Variants in PATL2 observed in about 807,000 individuals in gnomAD.
The protein encoded by PATL2 is protein PAT1 homolog 2.
Under a neutral mutation model 77.0 loss-of-function variants are expected in PATL2, and 73 were observed. The ratio of observed to expected loss-of-function variants is 0.95; its 90% CI spans 0.78 to 1.15. PATL2 has a LOEUF of 1.15. Ranked by LOEUF, PATL2 falls within the 50% of genes most tolerant of loss-of-function variation. The probability of loss-of-function intolerance (pLI) is 0.00; values close to 1 mark genes in which losing one functional copy is unlikely to be tolerated. For missense variants in PATL2, 618 were observed against 655.4 expected, an observed-to-expected ratio of 0.94 and a Z score of 0.62; for synonymous variants, 265 against 257.1, an observed-to-expected ratio of 1.03 and a Z score of -0.29.
At chr15:44,682,592 C>T (rs1010665455) in intron 3 of PATL2, among the ~76,000 whole-genome samples, 1 of 152,158 alleles carries the variant, frequency 6.6e-6, no homozygotes, top group Non-Finnish European at 1.5e-5. Context: ...CTGGGTGTGT[C>T]CTACTCCAGC....
intron 15 of PATL2, among the ~76,000 whole-genome samples, chr15:44,668,050 G>C (rs1280768998): frequency 1.3e-5 from 2 of 152,144 alleles, no homozygotes; most frequent in Non-Finnish European, 2.9e-5. Flanking sequence ...TTACTGAAAG[G>C]GGTATACAAG....
intron 15 of PATL2, among the ~76,000 whole-genome samples, chr15:44,668,019 AGT>A (rs762690091): frequency 6.6e-6 from 1 of 152,202 alleles, no homozygotes; most frequent in Non-Finnish European, 1.5e-5. Flanking sequence ...ACACATGGGT[AGT>A]GTGGTTTAGA....
At position 44,669,528 on chromosome 15, in the gene PATL2, T is replaced by C; in HGVS notation, c.912A>G (p.Val304=). The C allele has an allele frequency of 6.4e-7, 1 of 1,551,390 alleles. No individual in the cohort carries two copies. The highest frequency in any genetic ancestry group is 8.7e-7 in the Non-Finnish European group (1 of 1,146,904). ...IEAASSQRLR[V]LYRIEKMFLQ... ...ATCTCACCTTCTCAATCCGGTATAATACCCGAAGCCTCTGACTGCTTGCAG... is the reference window on the plus strand; with the variant it reads ...ATCTCACCTTCTCAATCCGGTATAACACCCGAAGCCTCTGACTGCTTGCAG... Residue 304 remains valine, a synonymous_variant, in exon 12 of 18, where the codon GTA becomes GTG. Transcript: ENST00000682850.
chr15:44,667,638 CTG>C (rs370088377), intron 15 of PATL2, among the ~76,000 whole-genome samples: 156 of 152,312 alleles, frequency 1.0e-3, no homozygotes, highest in African/African-American at 3.6e-3. Flanking sequence ...TTAAAATTTT[CTG>C]TCTTTTATTA....
At chr15:44,680,186 A>G (rs2086102414) in intron 3 of PATL2, among the ~76,000 whole-genome samples, 1 of 152,082 alleles carries the variant, frequency 6.6e-6, no homozygotes, top group Non-Finnish European at 1.5e-5. Flanking sequence ...TCTTCCTGAC[A>G]TGCTCCTCAG....
chr15:44,708,380 T>C (rs1452945601), intron 3 of PATL2, among the ~76,000 whole-genome samples: 2 of 152,346 alleles, frequency 1.3e-5, no homozygotes, highest in East Asian at 3.8e-4. Flanking sequence ...ACTTAAAGTA[T>C]ACAATAAGTT....
intron 2 of PATL2, among the ~76,000 whole-genome samples, 166 bp downstream of exon 2, chr15:44,710,705 A>T (rs1304793587): frequency 6.6e-6 from 1 of 152,120 alleles, no homozygotes; most frequent in East Asian, 1.9e-4. Flanking sequence ...CGGTTTACTG[A>T]GTACCTACTA....
chr15:44,669,885 A>C lies in PATL2; in HGVS notation c.779-11T>G, dbSNP rs1245157487. ...CCTCGATTCGGACCACTGCATGAGA[A>C]GAGAGGCACATTTCCTTCCCCCTCC... On this transcript the variant is annotated splice_polypyrimidine_tract_variant and intron_variant, in intron 10 of 17. Coordinates refer to ENST00000682850, the MANE Select transcript of PATL2 (RefSeq NM_001387263.1). 6.4e-7 allele frequency: 1 copy of C among 1,551,486 alleles called. No homozygotes were observed. Among genetic ancestry groups the C allele is most frequent in the Admixed American group, 2.0e-5 (1 of 50,980 alleles).
At chr15:44,698,690 G>T (rs1366079374) in intron 3 of PATL2, among the ~76,000 whole-genome samples, 1 of 152,210 alleles carries the variant, frequency 6.6e-6, no homozygotes, top group Non-Finnish European at 1.5e-5. Flanking sequence ...TTTGAATAGT[G>T]CTGCAATAAA....
intron 3 of PATL2, among the ~76,000 whole-genome samples, chr15:44,686,105 A>G (rs1308696927): frequency 6.6e-6 from 1 of 152,224 alleles, no homozygotes; most frequent in Non-Finnish European, 1.5e-5. Flanking sequence ...CAGCATATAC[A>G]TTCTTCTCAG....
rs1051736125 is a variant in PATL2 at position 44,669,961 on chromosome 15, C to T, written c.778+6G>A. 5.2e-6 allele frequency: 8 copies of T among 1,548,816 alleles called. No homozygotes were observed. The Admixed American group carries it at 9.9e-5, about 19-fold the overall frequency. On this transcript the variant is annotated splice_donor_region_variant and intron_variant, in intron 10 of 17. Transcript: ENST00000682850. ...GCCCAAGTCAGCAGGTCAGCCCTGA[C>T]CCTACCGGACTCATAAGCCTCTGCC...
At chr15:44,696,312 CA>C (rs1418478783) in intron 3 of PATL2, among the ~76,000 whole-genome samples, 3 of 152,204 alleles carry the variant, frequency 2.0e-5, no homozygotes. Context: ...TTGGCTTCAA[CA>C]TTTACCTAAT....
chr15:44,684,213 C>CAAAGGAGGGACAAAAGTGGA (rs2086200381), intron 3 of PATL2, among the ~76,000 whole-genome samples: 1 of 151,998 alleles, frequency 6.6e-6, no homozygotes, highest in Admixed American at 6.6e-5. Flanking sequence ...ACAACTCCTT[C>CAAAGGAGGGACAAAAGTGGA]CAGCAAGGGA....
chr15:44,690,574 G>A (rs2086368769), intron 3 of PATL2, among the ~76,000 whole-genome samples: 2 of 151,382 alleles, frequency 1.3e-5, no homozygotes, highest in African/African-American at 4.9e-5. Flanking sequence ...CTGGGCTCAA[G>A]TGATCCTCCC....
chr15:44,665,864 C>G lies in PATL2; in HGVS notation c.*89G>C. 3 of 1,549,364 alleles carry G rather than the reference C, an allele frequency of 1.9e-6. No individual in the cohort carries two copies. Among genetic ancestry groups the G allele is most frequent in the South Asian group, 2.4e-5 (2 of 83,890 alleles). On this transcript the variant is annotated 3_prime_UTR_variant, in exon 18 of 18. Transcript: ENST00000682850. ...TATATAAAGGCATAAGAAATGTCTT[C>G]AGACTCTCTGGATCCCTGTAAACAT...
chr15:44,701,566 C>A (rs557981316), intron 3 of PATL2, among the ~76,000 whole-genome samples: 1 of 151,618 alleles, frequency 6.6e-6, no homozygotes, highest in South Asian at 2.1e-4. Flanking sequence ...TGTGGTGGTA[C>A]ATGCCTGTTC....
intron 6 of PATL2, among the ~76,000 whole-genome samples, 160 bp downstream of exon 6, chr15:44,673,990 C>A (rs539322417): frequency 6.6e-6 from 1 of 152,188 alleles, no homozygotes; most frequent in African/African-American, 2.4e-5. Flanking sequence ...GGGCACACCA[C>A]CTCTGTCATT....
intron 3 of PATL2, among the ~76,000 whole-genome samples, chr15:44,705,132 A>G (rs2086705712): frequency 6.6e-6 from 1 of 152,114 alleles, no homozygotes; most frequent in Admixed American, 6.6e-5. Context: ...ATCACTTTGA[A>G]TAAACTTTCT....
intron 5 of PATL2, chr15:44,675,272 G>A (rs934254833): frequency 1.7e-6 from 1 of 595,026 alleles, no homozygotes; most frequent in Non-Finnish European, 2.9e-6. Context: ...CTAGGACCTG[G>A]TTTTAAGGCG....
Sources: allele counts gnomAD v4.1 joint callset (sites outside exome capture counted in the v4.1 genomes callset), GRCh38; gene constraint gnomAD v4.1.1; transcripts MANE v1.5; gene names NCBI Gene and HGNC (gene_info 2026-07-23, HGNC 2026-07-21).